SUCLG2: variants seen among roughly 807,000 people sequenced by gnomAD.
SUCLG2 encodes succinate-CoA ligase GDP-forming subunit beta, also known as succinate--CoA ligase [GDP-forming] subunit beta, mitochondrial.
A neutral mutation model predicts 47.9 loss-of-function variants in SUCLG2; 42 were observed. That is an observed-to-expected ratio of 0.88 (90% CI 0.69 to 1.14). SUCLG2 has a LOEUF of 1.14. Among genes scored for constraint, SUCLG2 ranks in the 50% most tolerant of loss-of-function variants. The pLI, the probability that SUCLG2 is intolerant of heterozygous loss-of-function variation, is 0.00. For synonymous variants in SUCLG2, 195 were observed against 197.3 expected, an observed-to-expected ratio of 0.99 and a Z score of 0.10; for missense variants, 571 against 525.9, an observed-to-expected ratio of 1.09 and a Z score of -0.84.
chr3:67,640,906 T>C (rs1322157274), intron 1 of SUCLG2, among the ~76,000 whole-genome samples: 1 of 152,246 alleles, frequency 6.6e-6, no homozygotes, highest in Non-Finnish European at 1.5e-5. Flanking sequence ...AAACTGTTTT[T>C]CAAAAGGCCT....
rs1447525395 is a variant in SUCLG2 at position 67,427,061 on chromosome 3, GA to G, written c.1063-26211del. Among the ~76,000 whole-genome samples the G allele has an allele frequency of 2.6e-5, 4 of 152,340 alleles. No homozygotes were observed. In the East Asian group the frequency reaches 7.7e-4, roughly 29 times the overall value. On this transcript the variant is annotated intron_variant, in intron 9 of 10. Coordinates refer to ENST00000307227, the MANE Select transcript of SUCLG2 (RefSeq NM_003848.4). ...TACCGATTGGCCTTATACTAAGGAT[GA>G]ACAAAAGGTTTTATATATTACCTGA...
At chr3:67,575,105 G>A (rs1415531393) in intron 2 of SUCLG2, among the ~76,000 whole-genome samples, 3 of 152,150 alleles carry the variant, frequency 2.0e-5, no homozygotes, top group Admixed American at 6.5e-5. Flanking sequence ...TTGATAAGGG[G>A]ACTGTAAAAT....
chr3:67,371,767 TC>T (rs1445091315), downstream of SUCLG2, among the ~76,000 whole-genome samples: 1 of 152,128 alleles, frequency 6.6e-6, no homozygotes, highest in East Asian at 1.9e-4. Flanking sequence ...TGAATTTGGG[TC>T]CCCATAGATA....
At chr3:67,429,480 A>C (rs977754706) in intron 9 of SUCLG2, among the ~76,000 whole-genome samples, 4 of 152,234 alleles carry the variant, frequency 2.6e-5, no homozygotes, top group African/African-American at 9.6e-5. Flanking sequence ...AACCGGTACC[A>C]GCCACTGCAA....
At position 67,636,604 on chromosome 3, in the gene SUCLG2, G is replaced by A. The variant is rs985520001; in HGVS notation, c.84+17899C>T. On this transcript the variant is annotated intron_variant, in intron 1 of 10. Coordinates refer to ENST00000307227, the MANE Select transcript of SUCLG2 (RefSeq NM_003848.4). The stretch of plus-strand genomic sequence containing the variant: ...CCTGACCTCGTGATCCACCTGCCTC[G>A]GCCTCCCAAAGTGCTGGGATTACAG... 2.0e-5 allele frequency among the ~76,000 whole-genome samples: 3 copies of A among 151,866 alleles called. No homozygotes were observed. The South Asian group carries it at 6.2e-4, about 32-fold the overall frequency.
intron 10 of SUCLG2, among the ~76,000 whole-genome samples, chr3:67,399,931 A>T (rs1039569182): frequency 6.6e-5 from 10 of 152,164 alleles, no homozygotes; most frequent in Admixed American, 5.9e-4. Flanking sequence ...CTATAATCCC[A>T]ACATTTTGGG....
intron 1 of SUCLG2, among the ~76,000 whole-genome samples, chr3:67,612,045 A>G (rs76186992): frequency 0.027 from 4,064 of 152,196 alleles, 82 homozygotes; most frequent in Middle Eastern, 0.061. Context: ...CTTCAAGACA[A>G]CTCCACTTAT....
At chr3:67,563,236 G>C (rs953247812) in intron 2 of SUCLG2, among the ~76,000 whole-genome samples, 2 of 152,004 alleles carry the variant, frequency 1.3e-5, no homozygotes, top group African/African-American at 4.8e-5. Context: ...CGCTATATTA[G>C]AAAATTAGTT....
rs1706363121 is a variant in SUCLG2, at chr3:67,530,165, A to G, written c.227-979T>C. Among the ~76,000 whole-genome samples the G allele has an allele frequency of 1.3e-5, 2 of 152,334 alleles. 1 individual carries two copies. The highest frequency in any genetic ancestry group is 4.1e-4 in the South Asian group (2 of 4,830). ...TCTGGTTCAGTATACCAGATTTAGA[A>G]TCTGCAAACCCAGGTTTCAATCTGG... On this transcript the variant is annotated intron_variant, in intron 2 of 10. Coordinates refer to ENST00000307227, the MANE Select transcript of SUCLG2 (RefSeq NM_003848.4).
At chr3:67,370,051 T>G (rs1432401465), downstream of SUCLG2, among the ~76,000 whole-genome samples, 1 of 152,202 alleles carries the variant, frequency 6.6e-6, no homozygotes, top group Non-Finnish European at 1.5e-5. Flanking sequence ...AAAACATAGT[T>G]TAATGAATTT....
intron 9 of SUCLG2, among the ~76,000 whole-genome samples, chr3:67,410,631 A>C (rs1164577721): frequency 6.6e-6 from 1 of 152,162 alleles, no homozygotes; most frequent in Non-Finnish European, 1.5e-5. Context: ...GTTTAAAATA[A>C]ATCATGCAAA....
intron 6 of SUCLG2, among the ~76,000 whole-genome samples, chr3:67,510,727 G>A (rs1705764269): frequency 6.6e-6 from 1 of 151,962 alleles, no homozygotes; most frequent in South Asian, 2.1e-4. Flanking sequence ...CTTAAATAAT[G>A]ACCAACTGCA....
chr3:67,542,754 A>G (rs1325203140), intron 2 of SUCLG2, among the ~76,000 whole-genome samples: 2 of 152,210 alleles, frequency 1.3e-5, no homozygotes, highest in Non-Finnish European at 2.9e-5. Flanking sequence ...AAAGGGACCA[A>G]TGCAACAAGA....
At chr3:67,550,213 T>C (rs1171777788) in intron 2 of SUCLG2, among the ~76,000 whole-genome samples, 1 of 152,262 alleles carries the variant, frequency 6.6e-6, no homozygotes, top group Non-Finnish European at 1.5e-5. Flanking sequence ...TCAGGCCACA[T>C]TACTGCATCT....
At chr3:67,454,961 C>CAAAAAAAAA (rs61683854) in intron 9 of SUCLG2, among the ~76,000 whole-genome samples, 1 of 111,616 alleles carries the variant, frequency 9.0e-6, no homozygotes, top group Non-Finnish European at 1.8e-5. Flanking sequence ...GACTCCGTCT[C>CAAAAAAAAA]AAAAAAAAAA....
At chr3:67,536,588 T>C (rs1437254573) in intron 2 of SUCLG2, among the ~76,000 whole-genome samples, 1 of 152,218 alleles carries the variant, frequency 6.6e-6, no homozygotes, top group Non-Finnish European at 1.5e-5. Context: ...AGTCGTCTTC[T>C]TCTCATTTAG....
chr3:67,585,926 C>A (rs1708002576), intron 2 of SUCLG2, among the ~76,000 whole-genome samples: 1 of 137,788 alleles, frequency 7.3e-6, no homozygotes, highest in African/African-American at 2.7e-5. Context: ...GAGATCATGC[C>A]ACTGCACTCC....
intron 8 of SUCLG2, among the ~76,000 whole-genome samples, chr3:67,497,735 T>C (rs1705383965): frequency 6.6e-6 from 1 of 152,208 alleles, no homozygotes; most frequent in Non-Finnish European, 1.5e-5. Context: ...TAAGTCAATA[T>C]TTCTCAGTTG....
intron 1 of SUCLG2, among the ~76,000 whole-genome samples, chr3:67,618,488 T>C (rs1459248433): frequency 6.6e-6 from 1 of 152,180 alleles, no homozygotes; most frequent in Admixed American, 6.6e-5. Flanking sequence ...GTTATCCCCA[T>C]CTCACAGAAG....
Sources: gnomAD v4.1 joint callset for allele counts (sites outside exome capture counted in the v4.1 genomes callset) on GRCh38, gnomAD v4.1.1 for gene constraint, MANE v1.5 for transcripts, NCBI Gene and HGNC (gene_info 2026-07-23, HGNC 2026-07-21) for gene names.